The following SORCS2 variants were observed in gnomAD, a reference collection of about 807,000 sequenced individuals.
The protein encoded by SORCS2 is sortilin related VPS10 domain containing receptor 2.
SORCS2 carries 100 observed loss-of-function variants against 141.6 expected under a neutral mutation model. The ratio of observed to expected loss-of-function variants is 0.71; its 90% CI spans 0.60 to 0.83. The LOEUF is 0.83. SORCS2 is among the 40% of genes least tolerant of loss of function. The pLI, the probability that SORCS2 is intolerant of heterozygous loss-of-function variation, is 0.00. For synonymous variants in SORCS2, 789 were observed against 676.9 expected, an observed-to-expected ratio of 1.17 and a Z score of -2.57; for missense variants, 1,646 against 1,560.2, an observed-to-expected ratio of 1.05 and a Z score of -0.93.
At chr4:7,236,050 A>G (rs1185088319) in intron 1 of SORCS2, among the ~76,000 whole-genome samples, 1 of 152,222 alleles carries the variant, frequency 6.6e-6, no homozygotes, top group African/African-American at 2.4e-5. Flanking sequence ...GGGAGGAGGC[A>G]TGTAATAGCT....
chr4:7,223,074 T>G (rs1340785057), intron 1 of SORCS2, among the ~76,000 whole-genome samples: 1 of 152,156 alleles, frequency 6.6e-6, no homozygotes, highest in African/African-American at 2.4e-5. Flanking sequence ...TTGTATTGTA[T>G]TAAAAACAAC....
chr4:7,501,758 C>T (rs1731991134), intron 2 of SORCS2, among the ~76,000 whole-genome samples: 1 of 152,170 alleles, frequency 6.6e-6, no homozygotes, highest in Non-Finnish European at 1.5e-5. Context: ...TAAAATGTGT[C>T]TCGACCAGGG....
intron 2 of SORCS2, among the ~76,000 whole-genome samples, chr4:7,402,867 C>T (rs1724687498): frequency 6.6e-6 from 1 of 151,954 alleles, no homozygotes; most frequent in South Asian, 2.1e-4. Context: ...TCCTCTGTGA[C>T]TCACCTGCTC....
rs3796905 is a variant in SORCS2, at chr4:7,434,078, C to A, written c.548+37723C>A. The A allele has an allele frequency of 6.0e-3, 9,654 of 1,611,442 alleles. 407 individuals carry two copies. The East Asian group carries it at 0.085, about 14-fold the overall frequency. ...TCCAGGGAGGGGACCCCGTCCATGG[C>A]CACTACTTGAGTCAAACGGGCAGGT... is the stretch of plus-strand genomic sequence containing the variant. On this transcript the variant is annotated intron_variant, in intron 2 of 26. Transcript: ENST00000507866.
intron 4 of SORCS2, among the ~76,000 whole-genome samples, chr4:7,651,079 C>T (rs984625714): frequency 3.9e-5 from 6 of 152,096 alleles, no homozygotes; most frequent in African/African-American, 7.2e-5. Context: ...GGCCCAGCCC[C>T]GATGTCTGTG....
chr4:7,233,425 A>G lies in SORCS2; in HGVS notation c.480+40299A>G, dbSNP rs779480971. On this transcript the variant is annotated intron_variant, in intron 1 of 26. Transcript: ENST00000507866. This position sits in a 1 kb window ranked among gnomAD's most constrained non-coding sequence, Gnocchi z 4.5. The stretch of plus-strand genomic sequence containing the variant: ...CTCCACAGCCTCCACAGCAGCCCGC[A>G]GGTTGCCATCCTGTTTCCATCCAGG... Among the ~76,000 whole-genome samples, 1 of 152,168 alleles carries G rather than the reference A, an allele frequency of 6.6e-6. No individual in the cohort carries two copies. The highest frequency in any genetic ancestry group is 1.5e-5 in the Non-Finnish European group (1 of 68,006).
At chr4:7,606,035 A>G (rs1374818691) in intron 3 of SORCS2, among the ~76,000 whole-genome samples, 2 of 152,240 alleles carry the variant, frequency 1.3e-5, no homozygotes, top group African/African-American at 4.8e-5. Flanking sequence ...ACACCACGTC[A>G]GGGAGAGGTG....
chr4:7,350,657 T>C (rs1488216659), intron 1 of SORCS2, among the ~76,000 whole-genome samples: 1 of 152,244 alleles, frequency 6.6e-6, no homozygotes, highest in African/African-American at 2.4e-5. Context: ...GATGTGCACC[T>C]GGGCAGTGAC....
chr4:7,526,204 G>A (rs990599952), intron 2 of SORCS2, among the ~76,000 whole-genome samples: 2 of 152,254 alleles, frequency 1.3e-5, no homozygotes, highest in Admixed American at 6.5e-5. Context: ...CAGGGGTCAC[G>A]TGCCCATCCA....
At chr4:7,570,127 G>A (rs1305149078) in intron 3 of SORCS2, among the ~76,000 whole-genome samples, 4 of 152,332 alleles carry the variant, frequency 2.6e-5, no homozygotes, top group Admixed American at 6.5e-5. Flanking sequence ...TGATAGAGCC[G>A]GAGAGGGGAG....
chr4:7,207,560 G>T (rs532347692), intron 1 of SORCS2, among the ~76,000 whole-genome samples: 3 of 152,198 alleles, frequency 2.0e-5, no homozygotes, highest in African/African-American at 7.2e-5. Context: ...CATCTGCACT[G>T]GGGCTGGCAG....
At position 7,663,012 on chromosome 4, in the gene SORCS2, G is replaced by A. The variant is rs952585082; in HGVS notation, c.953-1341G>A. Among the ~76,000 whole-genome samples, 5 of 151,974 alleles carry A rather than the reference G, an allele frequency of 3.3e-5. No homozygotes were observed. The highest frequency in any genetic ancestry group is 1.2e-4 in the African/African-American group (5 of 41,376). Reference sequence around the variant, plus strand: ...TGAGTGAGCGAGTGAGTGGATGAGTGAGTGGGTGAATGAGTGAATAGGTGT... The same window carrying A: ...TGAGTGAGCGAGTGAGTGGATGAGTAAGTGGGTGAATGAGTGAATAGGTGT... On this transcript the variant is annotated intron_variant, in intron 6 of 26. Coordinates refer to ENST00000507866, the MANE Select transcript of SORCS2 (RefSeq NM_020777.3). This position sits in a 1 kb window ranked among gnomAD's most constrained non-coding sequence, Gnocchi z 4.8.
chr4:7,707,719 G>T (rs2109025237), intron 14 of SORCS2, among the ~76,000 whole-genome samples: 1 of 152,364 alleles, frequency 6.6e-6, no homozygotes, highest in South Asian at 2.1e-4. Flanking sequence ...CACAGCACCA[G>T]GCATGGAAGA....
chr4:7,403,991 ATATATAT>A (rs1179460802), intron 2 of SORCS2, among the ~76,000 whole-genome samples: 15 of 5,052 alleles, frequency 3.0e-3, no homozygotes, highest in Admixed American at 0.013. Context: ...ATATATATAT[ATATATAT>A]TTTTTTTTTT....
intron 2 of SORCS2, chr4:7,434,288 C>G (rs1264082711): frequency 1.2e-6 from 2 of 1,612,888 alleles, no homozygotes; most frequent in South Asian, 1.1e-5. Context: ...TTGGACCGGA[C>G]AGCCTCCTGG....
At chr4:7,280,743 T>G (rs1396924181) in intron 1 of SORCS2, among the ~76,000 whole-genome samples, 1 of 152,208 alleles carries the variant, frequency 6.6e-6, no homozygotes, top group Non-Finnish European at 1.5e-5. Context: ...CAGTTTCCCC[T>G]TTTGTAAAAT....
intron 17 of SORCS2, among the ~76,000 whole-genome samples, chr4:7,715,909 A>T (rs1039066309): frequency 6.6e-6 from 1 of 152,124 alleles, no homozygotes; most frequent in Non-Finnish European, 1.5e-5. Context: ...TCACTCACCT[A>T]ATTGTCCTCC....
intron 1 of SORCS2, among the ~76,000 whole-genome samples, chr4:7,388,803 A>G (rs1288352932): frequency 6.6e-6 from 1 of 152,056 alleles, no homozygotes; most frequent in Non-Finnish European, 1.5e-5. Flanking sequence ...CCATCCACAC[A>G]GGTGCCCGGG....
chr4:7,322,642 C>A (rs1376225913), intron 1 of SORCS2, among the ~76,000 whole-genome samples: 1 of 152,228 alleles, frequency 6.6e-6, no homozygotes, highest in South Asian at 2.1e-4. Flanking sequence ...CAGCCCAACC[C>A]CCTTGTCCAG....
Sources: gnomAD v4.1 joint callset for allele counts (sites outside exome capture counted in the v4.1 genomes callset) on GRCh38, gnomAD v4.1.1 for gene constraint, Gnocchi (gnomAD v3.1) non-coding constraint, MANE v1.5 for transcripts, NCBI Gene and HGNC (gene_info 2026-07-23, HGNC 2026-07-21) for gene names.